The following PROCR variants were observed in gnomAD, a reference collection of about 807,000 sequenced individuals.
The protein encoded by PROCR is endothelial protein C receptor.
In PROCR, 22 loss-of-function variants were observed where a neutral mutation model predicts 24.2. The observed-to-expected ratio is 0.91, with a 90% CI of 0.65 to 1.30. The LOEUF (loss-of-function observed/expected upper bound fraction) is 1.30, where lower values mean the gene tolerates loss of function less well. Among genes scored for constraint, PROCR ranks in the 50% most tolerant of loss-of-function variants. The pLI is 0.00. For synonymous variants in PROCR, 137 were observed against 139.2 expected (o/e 0.98, Z 0.11); for missense variants, 288 against 307.7 (o/e 0.94, Z 0.48).
chr20:35,183,512 C>G (rs1164374266), intron 1 of PROCR, among the ~76,000 whole-genome samples: 1 of 152,172 alleles, frequency 6.6e-6, no homozygotes, highest in Non-Finnish European at 1.5e-5. Flanking sequence ...TCCTGTACAT[C>G]CTGCAGAAGT....
chr20:35,215,153 A>G (rs982387944), intron 1 of PROCR, among the ~76,000 whole-genome samples: 23 of 151,674 alleles, frequency 1.5e-4, no homozygotes, highest in Non-Finnish European at 2.9e-4. Context: ...CAAGTGATCC[A>G]CCCGCCTCAG....
chr20:35,205,784 T>G (rs1035494145), intron 1 of PROCR, among the ~76,000 whole-genome samples: 1 of 96,416 alleles, frequency 1.0e-5, no homozygotes, highest in African/African-American at 3.7e-5. Context: ...TATATATATA[T>G]ATATGTATAT....
At position 35,177,013 on chromosome 20, in the gene PROCR, A is replaced by G. The variant is rs2086027414; in HGVS notation, c.*200A>G. ...AGGTGGACAAAGTACTTGGTTTGCTAAGAACCTAAGAACGTGTATGCTTTG... is the reference window on the plus strand; with the variant it reads ...AGGTGGACAAAGTACTTGGTTTGCTGAGAACCTAAGAACGTGTATGCTTTG... On this transcript the variant is annotated 3_prime_UTR_variant, in exon 4 of 4. Coordinates refer to ENST00000216968, the MANE Select transcript of PROCR (RefSeq NM_006404.5). The G allele has an allele frequency of 3.6e-6, 5 of 1,406,150 alleles. No homozygotes were observed. In the East Asian group the frequency reaches 1.4e-4, roughly 40 times the overall value. 87.1% of individuals were successfully genotyped at this position (1,406,150 alleles called of 1,614,324 possible).
intron 2 of PROCR, among the ~76,000 whole-genome samples, chr20:35,175,572 ACC>A: frequency 1.9e-5 from 1 of 51,394 alleles, no homozygotes; most frequent in South Asian, 1.0e-3. Flanking sequence ...CCCCCACCCC[ACC>A]CCCCTTTTTT....
downstream of PROCR, among the ~76,000 whole-genome samples, chr20:35,177,950 T>TCAC (rs2086037411): frequency 6.6e-6 from 1 of 152,188 alleles, no homozygotes; most frequent in Admixed American, 6.5e-5. Flanking sequence ...CTTACACGAT[T>TCAC]CACCCTGGAA....
At chr20:35,194,245 T>C (rs2086197076) in intron 1 of PROCR, among the ~76,000 whole-genome samples, 1 of 152,130 alleles carries the variant, frequency 6.6e-6, no homozygotes, top group African/African-American at 2.4e-5. Context: ...TTTGAGGAGT[T>C]TGGTTTGTTT....
intron 2 of PROCR, among the ~76,000 whole-genome samples, chr20:35,175,673 C>T (rs1184561688): frequency 2.7e-5 from 4 of 149,146 alleles, no homozygotes; most frequent in African/African-American, 1.0e-4. Context: ...CAACTTCCGC[C>T]TCCCGGGTTC....
At position 35,176,782 on chromosome 20, in the gene PROCR, T is replaced by C. The variant is rs745926875; in HGVS notation, c.686T>C (p.Ile229Thr). 6.2e-7 allele frequency: 1 copy of C among 1,614,046 alleles called. No individual in the cohort carries two copies. The highest frequency in any genetic ancestry group is 1.1e-5 in the South Asian group (1 of 91,048). Reference protein sequence around the residue: ...SFIIAGVAVGIFLCTGGRRC With the variant: ...SFIIAGVAVGTFLCTGGRRC ...ATCATTGCTGGTGTGGCTGTAGGCA[T>C]CTTCCTGTGCACAGGTGGACGGCGA... is the stretch of plus-strand genomic sequence containing the variant. Residue 229 changes from isoleucine (I) to threonine (T), a missense_variant, in exon 4 of 4, where the codon ATC (isoleucine) becomes ACC (threonine). Transcript: ENST00000216968.
intron 1 of PROCR, among the ~76,000 whole-genome samples, chr20:35,192,075 A>G (rs2086178032): frequency 6.6e-6 from 1 of 152,226 alleles, no homozygotes; most frequent in Admixed American, 6.5e-5. Context: ...CAAACAAGGA[A>G]GGAAAGAAAA....
At chr20:35,180,049 C>G (rs2086063251), downstream of PROCR, among the ~76,000 whole-genome samples, 1 of 152,016 alleles carries the variant, frequency 6.6e-6, no homozygotes, top group Non-Finnish European at 1.5e-5. Flanking sequence ...AGTTGGAGAC[C>G]AGCCTGGCCA....
chr20:35,190,311 T>C (rs2086162753), intron 1 of PROCR, among the ~76,000 whole-genome samples: 1 of 152,208 alleles, frequency 6.6e-6, no homozygotes, highest in South Asian at 2.1e-4. Context: ...GATATTGTAC[T>C]GATTACTTCA....
Position 35,176,714 on chromosome 20 carries a change from C to T in PROCR, c.618C>T (p.Arg206=), listed in dbSNP as rs1362166810. 1.2e-6 allele frequency: 2 copies of T among 1,612,292 alleles called. No homozygotes were observed. The highest frequency in any genetic ancestry group is 1.7e-6 in the Non-Finnish European group (2 of 1,179,212). ...GTTCTGCAGGGAGCCAAACAAGCCG[C>T]TCCTACACTTCGCTGGTCCTGGGCG... is the stretch of plus-strand genomic sequence containing the variant. ...AENTKGSQTS[R]SYTSLVLGVL... is the part of the protein sequence containing the mutation. The change falls in exon 4 of 4, where the codon CGC becomes CGT. Residue 206 remains arginine, a synonymous_variant. Transcript: ENST00000216968.
chr20:35,193,499 G>A (rs1479046382), intron 1 of PROCR, among the ~76,000 whole-genome samples: 1 of 152,144 alleles, frequency 6.6e-6, no homozygotes, highest in East Asian at 1.9e-4. Flanking sequence ...TCTGGATGCT[G>A]GCTATATCAA....
intron 1 of PROCR, chr20:35,201,930 A>G (rs369568530): frequency 2.0e-5 from 3 of 152,180 alleles, no homozygotes; most frequent in East Asian, 3.8e-4. Flanking sequence ...TGATAGAACT[A>G]AAAGAGATAT....
intron 1 of PROCR, among the ~76,000 whole-genome samples, chr20:35,173,390 G>A (rs1040532466): frequency 6.0e-5 from 9 of 151,100 alleles, no homozygotes; most frequent in African/African-American, 1.5e-4. Flanking sequence ...CAACTGAGCT[G>A]GGTCTTTTTT....
chr20:35,176,598 G>T, intron 3 of PROCR, 100 bp from the exon 4 acceptor site: 1 of 1,575,206 alleles, frequency 6.3e-7, no homozygotes, highest in South Asian at 1.1e-5. Context: ...GTTGGTAAAC[G>T]GGTCCCTTTC....
chr20:35,195,844 GAAA>G (rs2086211039), intron 1 of PROCR, among the ~76,000 whole-genome samples: 1 of 146,226 alleles, frequency 6.8e-6, no homozygotes, highest in Non-Finnish European at 1.5e-5. Flanking sequence ...AAAAGAAAAA[GAAA>G]AGAAAGAAAG....
At chr20:35,206,570 G>C (rs2060343756) in intron 1 of PROCR, among the ~76,000 whole-genome samples, 1 of 149,996 alleles carries the variant, frequency 6.7e-6, no homozygotes, top group Non-Finnish European at 1.5e-5. Flanking sequence ...CACCTCACCA[G>C]AGAAGATACA....
intron 1 of PROCR, among the ~76,000 whole-genome samples, chr20:35,189,768 C>T (rs1342539215): frequency 2.0e-5 from 3 of 152,142 alleles, no homozygotes; most frequent in South Asian, 2.1e-4. Flanking sequence ...TAGAAAAGAA[C>T]CCACGTTGAA....
Sources: allele counts gnomAD v4.1 joint callset (sites outside exome capture counted in the v4.1 genomes callset), GRCh38; gene constraint gnomAD v4.1.1; transcripts MANE v1.5; gene names NCBI Gene and HGNC (gene_info 2026-07-23, HGNC 2026-07-21).